The following SCN8A variants were observed in gnomAD, a reference collection of about 807,000 sequenced individuals.
The protein encoded by SCN8A is sodium voltage-gated channel alpha subunit 8.
A neutral mutation model predicts 184.1 loss-of-function variants in SCN8A; 30 were observed. The observed-to-expected ratio is 0.16, with a 90% confidence interval of 0.12 to 0.22. SCN8A has a LOEUF of 0.22. Among genes scored for constraint, SCN8A ranks in the 10% least tolerant of loss-of-function variants. The pLI is 1.00. For missense variants in SCN8A, 1,057 were observed against 2,498.9 expected (o/e 0.42, Z 12.30); for synonymous variants, 852 against 907.0 (o/e 0.94, Z 1.09).
chr12:51,795,917 C>T (rs76419499), intron 26 of SCN8A, among the ~76,000 whole-genome samples: 23,349 of 149,462 alleles, frequency 0.16, 2,269 homozygotes, highest in East Asian at 0.36. Flanking sequence ...CATGGTGATA[C>T]GTGCCTGTAG....
chr12:51,620,475 A>AT (rs1939935562), intron 1 of SCN8A, among the ~76,000 whole-genome samples: 1 of 152,040 alleles, frequency 6.6e-6, no homozygotes, highest in Non-Finnish European at 1.5e-5. Flanking sequence ...GTCATCTTTA[A>AT]TTTTTTCTTT....
chr12:51,794,062 T>C (rs1938341841), intron 25 of SCN8A, among the ~76,000 whole-genome samples: 3 of 150,174 alleles, frequency 2.0e-5, no homozygotes, highest in Admixed American at 2.0e-4. Context: ...ATGAGAATTG[T>C]TTGAACCTAG....
At chr12:51,728,671 G>A (rs910801305) in intron 12 of SCN8A, among the ~76,000 whole-genome samples, 1 of 150,908 alleles carries the variant, frequency 6.6e-6, no homozygotes, top group African/African-American at 2.5e-5. Context: ...GGAGGTCAAG[G>A]CTGCAGTGAG....
chr12:51,640,061 A>C (rs1312089467), intron 1 of SCN8A, among the ~76,000 whole-genome samples: 1 of 142,772 alleles, frequency 7.0e-6, no homozygotes, highest in African/African-American at 2.6e-5. Context: ...GCACCACCAC[A>C]CTCTGCTAAT....
At chr12:51,596,863 GC>G (rs1334163065) in intron 1 of SCN8A, among the ~76,000 whole-genome samples, 1 of 151,862 alleles carries the variant, frequency 6.6e-6, no homozygotes, top group Non-Finnish European at 1.5e-5. Flanking sequence ...CTCTCCCATT[GC>G]CAACCTAGGT....
At position 51,751,391 on chromosome 12, in the gene SCN8A, G is replaced by T; in HGVS notation, c.2168G>T (p.Trp723Leu). 1 of 1,613,848 alleles carries T rather than the reference G, an allele frequency of 6.2e-7. No homozygotes were observed. The highest frequency in any genetic ancestry group is 8.5e-7 in the Non-Finnish European group (1 of 1,179,810). The change falls in exon 14 of 27, where the codon TGG becomes TTG. Residue 723 changes from tryptophan (W) to leucine (L), a missense_variant. Trp to Leu is a moderately conservative substitution (Grantham distance 61). Transcript: ENST00000627620. ...TCTCAGAGAAAGTGCCCGCCATGCTGGTATAAATTTGCCAACACTTTCCTC... is the reference window on the plus strand; with the variant it reads ...TCTCAGAGAAAGTGCCCGCCATGCTTGTATAAATTTGCCAACACTTTCCTC... ...EESQRKCPPC[W>L]YKFANTFLIW... is the part of the protein sequence containing the mutation.
Position 51,706,596 on chromosome 12 carries a change from G to A in SCN8A, c.1516G>A (p.Gly506Arg), listed in dbSNP as rs758393038. The change falls in exon 11 of 27, where the codon GGA (glycine) becomes AGA (arginine). Residue 506 changes from glycine to arginine, a missense_variant. Physicochemically the swap from Gly to Arg is moderately radical, Grantham distance 125. This residue lies in a region of SCN8A where 322 missense variants were observed against 390.1 expected (regional missense o/e 0.83). Transcript: ENST00000627620. ...GAGGAAGCAAAAGGAACTCTCTGAA[G>A]GAGAGGAGAAAGGGGATCCCGAGAA... ...KKRKQKELSEGEEKGDPEKVF... is the reference protein window; with the variant it reads ...KKRKQKELSEREEKGDPEKVF... 5 of 1,609,284 alleles carry A rather than the reference G, an allele frequency of 3.1e-6. No homozygotes were observed. Among genetic ancestry groups the A allele is most frequent in the Non-Finnish European group, 4.2e-6 (5 of 1,177,666 alleles).
At chr12:51,691,266 A>G (rs186650686) in intron 6 of SCN8A, among the ~76,000 whole-genome samples, 11 of 152,276 alleles carry the variant, frequency 7.2e-5, no homozygotes, top group Admixed American at 2.6e-4. Flanking sequence ...GCTGTATTCT[A>G]TTCACTAACT....
At chr12:51,686,284 C>A (rs1457738011) in intron 3 of SCN8A, 84 bp from the exon 4 acceptor site, 1 of 800,608 alleles carries the variant, frequency 1.2e-6, no homozygotes, top group African/African-American at 1.7e-5. Context: ...TGATTTAGAT[C>A]TGATACCCAA....
chr12:51,674,601 A>G (rs1941190537), intron 2 of SCN8A, among the ~76,000 whole-genome samples: 1 of 152,002 alleles, frequency 6.6e-6, no homozygotes, highest in African/African-American at 2.4e-5. Context: ...TCCCAAAATG[A>G]TGGGAATACA....
At position 51,770,596 on chromosome 12, in the gene SCN8A, C is replaced by A; in HGVS notation, c.3558C>A (p.Ile1186=). 6.2e-7 allele frequency: 1 copy of A among 1,614,050 alleles called. No homozygotes were observed. The highest frequency in any genetic ancestry group is 2.2e-5 in the East Asian group (1 of 44,874). ...AAGGGCTAGGCAAGTCTTGGTGGAT[C>A]CTGCGGAAAACCTGCTTCCTCATCG... is the stretch of plus-strand genomic sequence containing the variant. The part of the protein sequence containing the change: ...IEEGLGKSWW[I]LRKTCFLIVE... The change falls in exon 19 of 27, where the codon ATC becomes ATA. Residue 1186 remains isoleucine, a synonymous_variant. Transcript: ENST00000627620.
intron 1 of SCN8A, among the ~76,000 whole-genome samples, chr12:51,593,100 C>T (rs536996972): frequency 2.6e-5 from 4 of 152,220 alleles, no homozygotes; most frequent in African/African-American, 9.6e-5. Flanking sequence ...TCTTGAAATA[C>T]TGCAGCATTT....
At chr12:51,722,352 G>A (rs1942082988) in intron 12 of SCN8A, 2 of 190,340 alleles carry the variant, frequency 1.1e-5, no homozygotes, top group Non-Finnish European at 2.2e-5. Flanking sequence ...ATGCCATGGA[G>A]CCACCACCAA....
At chr12:51,703,433 C>A (rs1374469072) in intron 9 of SCN8A, among the ~76,000 whole-genome samples, 1 of 152,144 alleles carries the variant, frequency 6.6e-6, no homozygotes, top group African/African-American at 2.4e-5. Flanking sequence ...CGTGAGCCAC[C>A]ATTAGGGCTT....
chr12:51,750,478 G>A (rs1019127552), intron 13 of SCN8A, among the ~76,000 whole-genome samples: 1 of 152,128 alleles, frequency 6.6e-6, no homozygotes, highest in South Asian at 2.1e-4. Context: ...GACAGAACAA[G>A]GAAGGAAAGG....
Position 51,603,639 on chromosome 12 carries a change from C to T in SCN8A, c.-55+12280C>T, listed in dbSNP as rs546215506. On this transcript the variant is annotated intron_variant, in intron 1 of 26. Transcript: ENST00000627620. ...GTTTTTCAGAATGGTTGTACCATTT[C>T]GCATTCCCAACAGCAGTGTATGAGA... Among the ~76,000 whole-genome samples the T allele has an allele frequency of 9.9e-5, 15 of 152,242 alleles. 1 individual carries two copies. Among genetic ancestry groups the T allele is most frequent in the East Asian group, 7.7e-4 (4 of 5,182 alleles).
At chr12:51,751,024 C>T (rs1388159083) in intron 13 of SCN8A, among the ~76,000 whole-genome samples, 1 of 152,162 alleles carries the variant, frequency 6.6e-6, no homozygotes, top group African/African-American at 2.4e-5. Flanking sequence ...AAATCAGCTA[C>T]CTTGCCTGGG....
intron 1 of SCN8A, among the ~76,000 whole-genome samples, chr12:51,636,141 C>T (rs1457127657): frequency 6.6e-6 from 1 of 152,110 alleles, no homozygotes; most frequent in Non-Finnish European, 1.5e-5. Context: ...ACTACAGGAA[C>T]CCGCCACCAC....
intron 6 of SCN8A, among the ~76,000 whole-genome samples, chr12:51,698,923 C>G (rs1036884643): frequency 6.6e-6 from 1 of 152,142 alleles, no homozygotes; most frequent in South Asian, 2.1e-4. Flanking sequence ...AACCTGGAGG[C>G]CTCCTCAATT....
Sources: gnomAD v4.1 joint callset for allele counts (sites outside exome capture counted in the v4.1 genomes callset) on GRCh38, gnomAD v4.1.1 for gene constraint, gnomAD v4.1.1 regional missense constraint, MANE v1.5 for transcripts, NCBI Gene and HGNC (gene_info 2026-07-23, HGNC 2026-07-21) for gene names.